The following EDIL3 variants were observed in gnomAD, a reference collection of about 807,000 sequenced individuals.
The protein encoded by EDIL3 is EGF like and discoidin domains 3, also known as EGF-like repeat and discoidin I-like domain-containing protein 3.
Under a neutral mutation model 67.4 loss-of-function variants are expected in EDIL3, and 37 were observed. The observed-to-expected ratio is 0.55, with a 90% CI of 0.42 to 0.72. The LOEUF is 0.72. EDIL3 is among the 30% of genes least tolerant of loss of function. EDIL3 has a pLI of 0.00. For missense variants in EDIL3, 527 were observed against 586.3 expected (o/e 0.90, Z 1.04); for synonymous variants, 195 against 196.3 (o/e 0.99, Z 0.05).
At chr5:84,071,526 T>C (rs578146757) in intron 6 of EDIL3, among the ~76,000 whole-genome samples, 1 of 152,284 alleles carries the variant, frequency 6.6e-6, no homozygotes, top group Non-Finnish European at 1.5e-5. Context: ...TACTGGATAA[T>C]TGGACATAAA....
chr5:84,057,745 T>C (rs1341783281), intron 9 of EDIL3, among the ~76,000 whole-genome samples: 3 of 151,728 alleles, frequency 2.0e-5, no homozygotes, highest in African/African-American at 7.3e-5. Context: ...ATATGCTATG[T>C]TGGCTCAAAC....
intron 3 of EDIL3, among the ~76,000 whole-genome samples, chr5:84,228,965 A>C (rs16900993): frequency 0.025 from 3,745 of 152,146 alleles, 160 homozygotes; most frequent in African/African-American, 0.085. Flanking sequence ...TCAGGCCTAA[A>C]TCCTTTTCTC....
At chr5:84,020,089 A>C (rs1159638) in intron 9 of EDIL3, among the ~76,000 whole-genome samples, 61 of 151,580 alleles carry the variant, frequency 4.0e-4, no homozygotes, top group African/African-American at 1.5e-3. Context: ...AAAAAAAAAA[A>C]AACGCAACAA....
chr5:84,078,361 G>A (rs1424351430), intron 6 of EDIL3, among the ~76,000 whole-genome samples: 2 of 152,056 alleles, frequency 1.3e-5, no homozygotes, highest in Admixed American at 1.3e-4. Flanking sequence ...GATGAACTGG[G>A]TTTTTATACG....
At chr5:83,997,833 G>C (rs1316999954) in intron 9 of EDIL3, among the ~76,000 whole-genome samples, 1 of 152,118 alleles carries the variant, frequency 6.6e-6, no homozygotes, top group Non-Finnish European at 1.5e-5. Context: ...GGGGGAGGGA[G>C]AATGAAGTGA....
intron 5 of EDIL3, among the ~76,000 whole-genome samples, chr5:84,117,933 A>T (rs1213629562): frequency 6.6e-6 from 1 of 152,170 alleles, no homozygotes; most frequent in Non-Finnish European, 1.5e-5. Flanking sequence ...AATTTTGTAC[A>T]AATGAGAATA....
chr5:84,144,874 G>T (rs1219283133), intron 4 of EDIL3, among the ~76,000 whole-genome samples: 1 of 151,874 alleles, frequency 6.6e-6, no homozygotes, highest in Non-Finnish European at 1.5e-5. Context: ...AACCATTTTG[G>T]AGTTTTTCCT....
intron 9 of EDIL3, among the ~76,000 whole-genome samples, chr5:83,984,892 C>A (rs576462944): frequency 6.6e-6 from 1 of 151,726 alleles, no homozygotes; most frequent in African/African-American, 2.4e-5. Context: ...ATGTATAATA[C>A]ATTATAGCAT....
chr5:84,294,384 C>CA (rs1173407354), intron 1 of EDIL3, among the ~76,000 whole-genome samples: 3,079 of 31,430 alleles, frequency 0.098, 325 homozygotes, highest in African/African-American at 0.11. Flanking sequence ...GACTCTGTCT[C>CA]AAAAAAAAAA....
In EDIL3 at chr5:84,121,700, A is replaced by G. The variant is rs539199248; in HGVS notation, c.470-14870T>C. Among the ~76,000 whole-genome samples the G allele has an allele frequency of 1.2e-3, 181 of 151,954 alleles. 1 individual carries two copies. The highest frequency in any genetic ancestry group is 4.3e-3 in the African/African-American group (178 of 41,488). On this transcript the variant is annotated intron_variant, in intron 5 of 10. Coordinates refer to ENST00000296591, the MANE Select transcript of EDIL3 (RefSeq NM_005711.5). ...CCTTAGACTGAATTTTACTTAGATGACAGTGTAGGAAGTATTTTTGCAGCT... is the reference window on the plus strand; with the variant it reads ...CCTTAGACTGAATTTTACTTAGATGGCAGTGTAGGAAGTATTTTTGCAGCT...
intron 6 of EDIL3, among the ~76,000 whole-genome samples, chr5:84,093,186 CTT>C (rs5869208): frequency 2.1e-5 from 3 of 145,030 alleles, no homozygotes; most frequent in Admixed American, 6.9e-5. Context: ...TATCTTTCTC[CTT>C]TTTTTTTTTT....
Position 84,137,220 on chromosome 5 carries a change from TACAC to T in EDIL3, c.469+17_469+20del. ...ACACACACACACACACACACACACA[TACAC>T]ACACGTGAATACTTACTGTATTGAC... On this transcript the variant is annotated intron_variant, in intron 5 of 10. Transcript: ENST00000296591. 7.9e-7 allele frequency: 1 copy of T among 1,260,756 alleles called. No homozygotes were observed. The highest frequency in any genetic ancestry group is 1.1e-6 in the Non-Finnish European group (1 of 895,182). 78.1% of individuals were successfully genotyped at this position (1,260,756 alleles called of 1,614,324 possible). A position where few individuals can be genotyped will look rare whatever the true frequency, so the allele number is the denominator to read the frequency against.
At chr5:84,371,605 A>G (rs1747856865) in intron 1 of EDIL3, among the ~76,000 whole-genome samples, 2 of 151,336 alleles carry the variant, frequency 1.3e-5, no homozygotes, top group Admixed American at 6.6e-5. Flanking sequence ...ACATATGTAC[A>G]TGATAAAAAA....
intron 9 of EDIL3, among the ~76,000 whole-genome samples, chr5:84,004,347 C>T (rs539664120): frequency 6.6e-6 from 1 of 152,064 alleles, no homozygotes; most frequent in Non-Finnish European, 1.5e-5. Context: ...GTAGAACATG[C>T]CACCCAAAGA....
intron 10 of EDIL3, among the ~76,000 whole-genome samples, chr5:83,961,992 C>G (rs1744613761): frequency 6.6e-6 from 1 of 151,196 alleles, no homozygotes; most frequent in Non-Finnish European, 1.5e-5. Flanking sequence ...TGGGTGTGTT[C>G]TGAGATGTTA....
intron 4 of EDIL3, among the ~76,000 whole-genome samples, chr5:84,154,811 T>C (rs929436555): frequency 1.3e-5 from 2 of 150,178 alleles, no homozygotes; most frequent in African/African-American, 4.9e-5. Flanking sequence ...GCGATTCTCC[T>C]GCCTCAGCCT....
At chr5:84,227,606 T>C (rs1744480214) in intron 3 of EDIL3, among the ~76,000 whole-genome samples, 1 of 152,124 alleles carries the variant, frequency 6.6e-6, no homozygotes, top group African/African-American at 2.4e-5. Flanking sequence ...CAGATCATTA[T>C]ACCAACAAGA....
At position 83,943,344 on chromosome 5, in the gene EDIL3, C is replaced by G; in HGVS notation, c.*75G>C. On this transcript the variant is annotated 3_prime_UTR_variant, in exon 11 of 11. Transcript: ENST00000296591. ...AAAAAAAAAACCATTCAGTTTCCTACAGATTTTGCACAGTTCATTCCATGG... is the reference window on the plus strand; with the variant it reads ...AAAAAAAAAACCATTCAGTTTCCTAGAGATTTTGCACAGTTCATTCCATGG... The G allele has an allele frequency of 6.0e-6, 9 of 1,510,502 alleles. 1 individual carries two copies. The South Asian group carries it at 9.6e-5, about 16-fold the overall frequency. 93.6% of individuals were successfully genotyped at this position (1,510,502 alleles called of 1,614,324 possible).
chr5:84,033,028 C>T lies in EDIL3; in HGVS notation c.1137+27272G>A, dbSNP rs1421016118. 3.3e-5 allele frequency among the ~76,000 whole-genome samples: 5 copies of T among 152,020 alleles called. No individual in the cohort carries two copies. In the South Asian group the frequency reaches 1.0e-3, roughly 32 times the overall value. On this transcript the variant is annotated intron_variant, in intron 9 of 10. Transcript: ENST00000296591. ...TGGCCCCTCTGTTGGTTTCAAAGGC[C>T]GTATTTTCAAGTCTTCTGGCTGTCA...
Sources: gnomAD v4.1 joint callset for allele counts (sites outside exome capture counted in the v4.1 genomes callset) on GRCh38, gnomAD v4.1.1 for gene constraint, MANE v1.5 for transcripts, NCBI Gene and HGNC (gene_info 2026-07-23, HGNC 2026-07-21) for gene names.